The following MCUB variants were observed in gnomAD, a reference collection of about 807,000 sequenced individuals.
MCUB encodes mitochondrial calcium uniporter dominant negative subunit beta.
In MCUB, 46 loss-of-function variants were observed where a neutral mutation model predicts 41.4. The observed-to-expected ratio is 1.11, with a 90% CI of 0.88 to 1.42. The LOEUF is 1.42. Ranked by LOEUF, MCUB falls within the 40% of genes most tolerant of loss-of-function variation. The pLI is 0.00. For missense variants in MCUB, 403 were observed against 404.9 expected (o/e 1.00, Z 0.04); for synonymous variants, 148 against 148.2 (o/e 1.00, Z 0.01).
chr4:109,681,259 A>C (rs1049810392), intron 4 of MCUB, among the ~76,000 whole-genome samples: 52 of 152,182 alleles, frequency 3.4e-4, no homozygotes, highest in African/African-American at 1.3e-3. Context: ...AGTTGTGACA[A>C]GTCAAAGGAA....
intron 1 of MCUB, among the ~76,000 whole-genome samples, chr4:109,593,194 A>G (rs1312978904): frequency 1.3e-5 from 2 of 152,346 alleles, no homozygotes; most frequent in East Asian, 1.9e-4. Context: ...ACCCAAAGGT[A>G]TATCAGGAAT....
At chr4:109,685,207 C>A in intron 6 of MCUB, 44 bp from the exon 7 acceptor site, 1 of 811,782 alleles carries the variant, frequency 1.2e-6, no homozygotes, top group Non-Finnish European at 2.1e-6. Context: ...GCATTATGTT[C>A]ATTCAAAACA....
At chr4:109,575,210 C>T (rs1215180538) in intron 1 of MCUB, among the ~76,000 whole-genome samples, 1 of 152,198 alleles carries the variant, frequency 6.6e-6, no homozygotes, top group Non-Finnish European at 1.5e-5. Context: ...TAAAATTAGC[C>T]TACTGCTGTT....
chr4:109,652,708 C>A (rs546092897), intron 1 of MCUB, among the ~76,000 whole-genome samples: 3 of 152,294 alleles, frequency 2.0e-5, no homozygotes, highest in South Asian at 2.1e-4. Context: ...CCTCCCAGCA[C>A]CGTTGCATTG....
At chr4:109,655,014 CCT>C (rs996696467) in intron 1 of MCUB, among the ~76,000 whole-genome samples, 6 of 152,140 alleles carry the variant, frequency 3.9e-5, no homozygotes, top group Non-Finnish European at 7.3e-5. Context: ...AAGTCCTGGG[CCT>C]CTCATGTTTC....
intron 1 of MCUB, among the ~76,000 whole-genome samples, chr4:109,587,379 C>T (rs1308213297): frequency 6.6e-6 from 1 of 152,224 alleles, no homozygotes; most frequent in Non-Finnish European, 1.5e-5. Flanking sequence ...CTTCCGTTGA[C>T]TAGGAAAGGG....
At chr4:109,632,126 C>T (rs1435007218) in intron 1 of MCUB, among the ~76,000 whole-genome samples, 3 of 152,126 alleles carry the variant, frequency 2.0e-5, no homozygotes, top group East Asian at 1.9e-4. Flanking sequence ...AATAATACAT[C>T]CCTCCATTAT....
chr4:109,645,911 AGT>A (rs1196344385), intron 1 of MCUB, among the ~76,000 whole-genome samples: 1 of 152,070 alleles, frequency 6.6e-6, no homozygotes, highest in African/African-American at 2.4e-5. Flanking sequence ...TTACTCCCTT[AGT>A]TGTCACTCTC....
chr4:109,615,541 G>T (rs1248221017), intron 1 of MCUB, among the ~76,000 whole-genome samples: 4 of 151,836 alleles, frequency 2.6e-5, no homozygotes, highest in Admixed American at 2.6e-4. Flanking sequence ...CAAGTAGCTG[G>T]GACTACAGGC....
chr4:109,658,891 T>G (rs1729163992), intron 1 of MCUB, 120 bp from the exon 2 acceptor site: 1 of 691,160 alleles, frequency 1.4e-6, no homozygotes, highest in Non-Finnish European at 2.5e-6. Context: ...CATGACAAGT[T>G]GAGTTTTTCA....
chr4:109,621,090 G>A lies in MCUB; in HGVS notation c.100-37921G>A, dbSNP rs34259782. ...ATTTTTGTATTTTTTTAGTACAGAC[G>A]GGGTTTCACCATGTAGGTCAGGCTG... On this transcript the variant is annotated intron_variant, in intron 1 of 7. Coordinates refer to ENST00000394650, the MANE Select transcript of MCUB (RefSeq NM_017918.5). Among the ~76,000 whole-genome samples the A allele has an allele frequency of 9.4e-3, 1,428 of 152,034 alleles. 18 individuals are homozygous for A. The highest frequency in any genetic ancestry group is 0.041 in the South Asian group (195 of 4,802).
At chr4:109,655,681 T>C (rs1729078456) in intron 1 of MCUB, among the ~76,000 whole-genome samples, 1 of 152,110 alleles carries the variant, frequency 6.6e-6, no homozygotes, top group African/African-American at 2.4e-5. Context: ...GACCAGGCAC[T>C]AAAATTTGGA....
chr4:109,634,630 C>A (rs1325967356), intron 1 of MCUB, among the ~76,000 whole-genome samples: 1 of 152,036 alleles, frequency 6.6e-6, no homozygotes, highest in Non-Finnish European at 1.5e-5. Context: ...CTCATATACT[C>A]TTTTGTGTCT....
At chr4:109,677,587 C>T (rs1019614894) in intron 4 of MCUB, among the ~76,000 whole-genome samples, 1 of 152,096 alleles carries the variant, frequency 6.6e-6, no homozygotes, top group Admixed American at 6.5e-5. Flanking sequence ...TGAGGACCAA[C>T]GTGAGTGGAT....
chr4:109,688,618 T>TAA lies in MCUB; in HGVS notation c.*1027_*1028dup, dbSNP rs772725255. The TAA allele has an allele frequency of 5.3e-5, 8 of 152,228 alleles. No individual in the cohort carries two copies. The highest frequency in any genetic ancestry group is 1.0e-4 in the Non-Finnish European group (7 of 68,036). The allele number at this position is 152,228 out of a possible 1,614,324, so 9.4% of individuals were successfully genotyped here. On this transcript the variant is annotated 3_prime_UTR_variant, in exon 8 of 8. Coordinates refer to ENST00000394650, the MANE Select transcript of MCUB (RefSeq NM_017918.5). ...AACAAGAATGTGAGTTAGAAAAATG[T>TAA]AATAAAATATGAATTTCGAATATTT...
At chr4:109,651,726 A>T (rs1728965607) in intron 1 of MCUB, among the ~76,000 whole-genome samples, 1 of 152,144 alleles carries the variant, frequency 6.6e-6, no homozygotes, top group South Asian at 2.1e-4. Flanking sequence ...CTCCCTTTCC[A>T]TAATTGTAGT....
At chr4:109,644,097 A>T (rs1052908950) in intron 1 of MCUB, among the ~76,000 whole-genome samples, 3 of 152,166 alleles carry the variant, frequency 2.0e-5, no homozygotes, top group Admixed American at 2.0e-4. Context: ...TGTTCAGTAG[A>T]GGGGCAAAGA....
At chr4:109,683,674 C>T (rs1729766835) in intron 5 of MCUB, among the ~76,000 whole-genome samples, 1 of 152,150 alleles carries the variant, frequency 6.6e-6, no homozygotes, top group Non-Finnish European at 1.5e-5. Flanking sequence ...AGAAATCTCT[C>T]CTTATTGGCA....
intron 1 of MCUB, among the ~76,000 whole-genome samples, chr4:109,625,610 A>C (rs1183971440): frequency 6.6e-6 from 1 of 152,212 alleles, no homozygotes; most frequent in Non-Finnish European, 1.5e-5. Context: ...GATATTTTCA[A>C]CTTACAGTGG....
Sources: gnomAD v4.1 joint callset for allele counts (sites outside exome capture counted in the v4.1 genomes callset) on GRCh38, gnomAD v4.1.1 for gene constraint, MANE v1.5 for transcripts, NCBI Gene and HGNC (gene_info 2026-07-23, HGNC 2026-07-21) for gene names.